The following NR6A1 variants were observed in gnomAD, a reference collection of about 807,000 sequenced individuals.
NR6A1 encodes the protein retinoic acid receptor-related testis-associated receptor.
Under a neutral mutation model 59.1 loss-of-function variants are expected in NR6A1, and 7 were observed. The observed-to-expected ratio is 0.12, with a 90% CI of 0.07 to 0.22. NR6A1 has a LOEUF of 0.22. NR6A1 is among the 10% of genes least tolerant of loss of function. NR6A1 has a pLI of 1.00. For missense variants in NR6A1, 468 were observed against 611.6 expected, an observed-to-expected ratio of 0.77 and a Z score of 2.48; for synonymous variants, 243 against 236.1, an observed-to-expected ratio of 1.03 and a Z score of -0.27.
intron 9 of NR6A1, among the ~76,000 whole-genome samples, chr9:124,524,257 A>G (rs1360312730): frequency 1.3e-5 from 2 of 152,164 alleles, no homozygotes; most frequent in Non-Finnish European, 2.9e-5. Context: ...GTGCCCAGCT[A>G]AAGATATCAC....
intron 2 of NR6A1, among the ~76,000 whole-genome samples, chr9:124,666,442 C>CTA (rs1203154453): frequency 6.6e-6 from 1 of 152,064 alleles, no homozygotes; most frequent in African/African-American, 2.4e-5. Flanking sequence ...CCATGCCCAC[C>CTA]TAATTTGTGT....
chr9:124,688,454 A>G (rs1838414824), intron 2 of NR6A1, among the ~76,000 whole-genome samples: 2 of 152,382 alleles, frequency 1.3e-5, no homozygotes. Context: ...ATGAGGGACT[A>G]CTATAATTGT....
chr9:124,562,039 T>C (rs1001939738), intron 2 of NR6A1, among the ~76,000 whole-genome samples: 1 of 152,232 alleles, frequency 6.6e-6, no homozygotes, highest in Non-Finnish European at 1.5e-5. Context: ...AACTACCAGT[T>C]AGACAACTGA....
chr9:124,567,831 CTTTTTTTTTTTTT>C (rs534591761), intron 2 of NR6A1, among the ~76,000 whole-genome samples: 4 of 101,342 alleles, frequency 3.9e-5, no homozygotes, highest in South Asian at 3.3e-4. Context: ...TAAAAATTTG[CTTTTTTTTTTTTT>C]TTTTTTTTTT....
At chr9:124,735,017 G>T (rs1288243814) in intron 1 of NR6A1, among the ~76,000 whole-genome samples, 1 of 152,134 alleles carries the variant, frequency 6.6e-6, no homozygotes, top group African/African-American at 2.4e-5. Flanking sequence ...GCTAATTTTT[G>T]TATTTCTAGT....
At chr9:124,541,105 G>C (rs1833428594) in intron 4 of NR6A1, among the ~76,000 whole-genome samples, 1 of 152,116 alleles carries the variant, frequency 6.6e-6, no homozygotes, top group Non-Finnish European at 1.5e-5. Context: ...CAAAAGTACA[G>C]ACAACAGAAC....
chr9:124,649,734 C>CAT (rs1356398827), intron 2 of NR6A1, among the ~76,000 whole-genome samples: 1 of 152,016 alleles, frequency 6.6e-6, no homozygotes. Flanking sequence ...ACTAAATATA[C>CAT]ACGGAACTCA....
At chr9:124,726,443 T>C (rs1038931668) in intron 2 of NR6A1, among the ~76,000 whole-genome samples, 59 of 152,180 alleles carry the variant, frequency 3.9e-4, no homozygotes, top group East Asian at 1.9e-4. Flanking sequence ...AACCTTTAGA[T>C]TGGAGGAAGT....
intron 2 of NR6A1, among the ~76,000 whole-genome samples, chr9:124,683,716 C>T (rs1038791637): frequency 2.0e-5 from 3 of 152,150 alleles, no homozygotes; most frequent in African/African-American, 7.2e-5. Context: ...TCACTTGAAC[C>T]CAGGAGGTGG....
At chr9:124,603,623 ATATG>A (rs1176647578) in intron 2 of NR6A1, among the ~76,000 whole-genome samples, 2 of 152,144 alleles carry the variant, frequency 1.3e-5, no homozygotes, top group Non-Finnish European at 2.9e-5. Flanking sequence ...CATATATAAC[ATATG>A]TATCCGTCAC....
rs769468367 is a variant in NR6A1 at position 124,540,001 on chromosome 9, G to A, written c.596+32C>T. ...CTCTCCCTTTGGTGGGGGATCCCTA[G>A]ATGATGACCATGGGTTTGCCTTAAA... On this transcript the variant is annotated intron_variant, in intron 5 of 9. Coordinates refer to ENST00000487099, the MANE Select transcript of NR6A1 (RefSeq NM_033334.4). The A allele has an allele frequency of 7.0e-6, 11 of 1,560,710 alleles. No individual in the cohort carries two copies. The East Asian group carries it at 9.5e-5, about 13-fold the overall frequency.
At chr9:124,743,533 T>C (rs1389020005) in intron 1 of NR6A1, among the ~76,000 whole-genome samples, 2 of 152,226 alleles carry the variant, frequency 1.3e-5, no homozygotes, top group African/African-American at 2.4e-5. Flanking sequence ...CGAGTGTCTA[T>C]ATTTCTATGG....
rs117835004 is a variant in NR6A1, at chr9:124,571,934, A to T, written c.143-17364T>A. ...CTCTTACTTACCATAAAAAAAAAAA[A>T]TTGACTATGACAGACCTTAATGAAA... On this transcript the variant is annotated intron_variant, in intron 2 of 9. Transcript: ENST00000487099. Among the ~76,000 whole-genome samples the T allele has an allele frequency of 3.0e-3, 464 of 152,182 alleles. 3 individuals carry two copies. The highest frequency in any genetic ancestry group is 0.011 in the African/African-American group (445 of 41,504).
chr9:124,684,941 C>A (rs1026504829), intron 2 of NR6A1, among the ~76,000 whole-genome samples: 1 of 151,908 alleles, frequency 6.6e-6, no homozygotes, highest in Non-Finnish European at 1.5e-5. Context: ...CAGATTTTGA[C>A]TTGAAGGCTA....
intron 2 of NR6A1, among the ~76,000 whole-genome samples, chr9:124,614,848 T>C (rs1835845105): frequency 1.3e-5 from 2 of 152,212 alleles, no homozygotes; most frequent in Admixed American, 6.5e-5. Context: ...ACCATGTCCT[T>C]CTTCTTTGCA....
chr9:124,573,671 C>G (rs1834511238), intron 2 of NR6A1, among the ~76,000 whole-genome samples: 1 of 152,156 alleles, frequency 6.6e-6, no homozygotes, highest in Admixed American at 6.6e-5. Flanking sequence ...ACAGCCGCTA[C>G]ATTGTAATAG....
intron 2 of NR6A1, among the ~76,000 whole-genome samples, chr9:124,616,593 C>T (rs938539475): frequency 6.6e-6 from 1 of 151,550 alleles, no homozygotes; most frequent in African/African-American, 2.4e-5. Flanking sequence ...GGCAAAGATC[C>T]CAAAATATAT....
At chr9:124,622,912 G>C (rs1198040419) in intron 2 of NR6A1, among the ~76,000 whole-genome samples, 2 of 152,120 alleles carry the variant, frequency 1.3e-5, no homozygotes, top group African/African-American at 4.8e-5. Flanking sequence ...ATGGACCTTG[G>C]AAAATGGTCT....
At chr9:124,696,719 T>C (rs10986400) in intron 2 of NR6A1, among the ~76,000 whole-genome samples, 1 of 151,994 alleles carries the variant, frequency 6.6e-6, no homozygotes, top group South Asian at 2.1e-4. Flanking sequence ...GATGTGGTTT[T>C]GACATGTTGG....
Sources: gnomAD v4.1 joint callset for allele counts (sites outside exome capture counted in the v4.1 genomes callset) on GRCh38, gnomAD v4.1.1 for gene constraint, MANE v1.5 for transcripts, NCBI Gene and HGNC (gene_info 2026-07-23, HGNC 2026-07-21) for gene names.